The following ZNF157 variants were observed in gnomAD, a reference collection of about 807,000 sequenced individuals.
ZNF157 encodes the protein zinc finger protein 22.
A neutral mutation model predicts 9.4 loss-of-function variants in ZNF157; 8 were observed. The observed-to-expected ratio is 0.85, with a 90% CI of 0.50 to 1.53. The LOEUF (loss-of-function observed/expected upper bound fraction) is 1.53, where lower values mean the gene tolerates loss of function less well. Ranked by LOEUF, ZNF157 falls within the 40% of genes most tolerant of loss-of-function variation. The pLI is 0.00. For synonymous variants in ZNF157, 120 were observed against 130.8 expected (o/e 0.92, Z 0.56); for missense variants, 316 against 385.2 (o/e 0.82, Z 1.50).
At chrX:47,380,892 G>T (rs763508547) in intron 1 of ZNF157, among the ~76,000 whole-genome samples, 50 of 102,840 alleles carry the variant, frequency 4.9e-4, no homozygotes, top group Non-Finnish European at 7.9e-4. Context: ...AGCAGGAGGA[G>T]GAGAAAGAGA....
intron 1 of ZNF157, among the ~76,000 whole-genome samples, chrX:47,409,023 A>G (rs751181441): frequency 8.9e-6 from 1 of 111,919 alleles, no homozygotes; most frequent in Admixed American, 9.5e-5. Flanking sequence ...CTTCTCTCAA[A>G]CTGTGCTCCT....
intron 1 of ZNF157, among the ~76,000 whole-genome samples, chrX:47,393,069 C>T (rs768613507): frequency 9.1e-6 from 1 of 109,913 alleles, no homozygotes; most frequent in Non-Finnish European, 1.9e-5. Flanking sequence ...GCAGGAGAAT[C>T]TCTTGAACCT....
At chrX:47,391,402 G>A (rs759332436) in intron 1 of ZNF157, 1 of 111,790 alleles carries the variant, frequency 8.9e-6, no homozygotes, top group African/African-American at 3.2e-5. Context: ...TCTTATTTTG[G>A]AACGTTTGAG....
intron 1 of ZNF157, among the ~76,000 whole-genome samples, chrX:47,376,578 T>C (rs1301323535): frequency 2.7e-5 from 3 of 111,275 alleles, no homozygotes; most frequent in Non-Finnish European, 5.7e-5. Context: ...ATCGCGTCAT[T>C]GTACTCCAGC....
intron 1 of ZNF157, among the ~76,000 whole-genome samples, chrX:47,393,930 C>CG (rs1385495830): frequency 6.5e-5 from 7 of 108,120 alleles, no homozygotes; most frequent in Admixed American, 3.0e-4. Context: ...TTTGTAGAGA[C>CG]GGGGTCTCAC....
intron 1 of ZNF157, among the ~76,000 whole-genome samples, chrX:47,374,988 G>A (rs1157208567): frequency 9.1e-5 from 8 of 87,637 alleles, no homozygotes; most frequent in African/African-American, 2.9e-4. Context: ...CCCTGAGCCC[G>A]GCTGACAATC....
Position 47,407,307 on chromosome X carries a change from T to A in ZNF157, c.73-2969T>A, listed in dbSNP as rs140756050. Among the ~76,000 whole-genome samples, 374 of 112,454 alleles carry A rather than the reference T, an allele frequency of 3.3e-3. 1 individual carries two copies. Among genetic ancestry groups the A allele is most frequent in the African/African-American group, 0.012 (361 of 31,055 alleles). ...GATATTGGACTGCAATTTTCTTTTC[T>A]TGTCATGTCTTTGTCTGATTTTGTA... is the stretch of plus-strand genomic sequence containing the variant. On this transcript the variant is annotated intron_variant, in intron 1 of 3. Transcript: ENST00000377073.
chrX:47,374,998 CTTTTTTTTTTTTTTTTT>C (rs769541152), intron 1 of ZNF157, among the ~76,000 whole-genome samples: 10 of 24,996 alleles, frequency 4.0e-4, no homozygotes, highest in East Asian at 1.8e-3. Context: ...GGCTGACAAT[CTTTTTTTTTTTTTTTTT>C]TTTTTTTTTT....
intron 1 of ZNF157, among the ~76,000 whole-genome samples, chrX:47,373,921 C>T (rs752512310): frequency 6.4e-5 from 7 of 108,591 alleles, no homozygotes; most frequent in African/African-American, 2.4e-4. Context: ...GTCTTGAACT[C>T]CTGGCCTCAA....
intron 1 of ZNF157, 62 bp from the exon 2 acceptor site, chrX:47,410,214 G>T: frequency 2.5e-6 from 3 of 1,200,740 alleles, no homozygotes; most frequent in Non-Finnish European, 3.4e-6. Context: ...CCATTGAGAA[G>T]ATTAGTTCCT....
rs776600548 is a variant in ZNF157, at chrX:47,413,115, C to A, written c.1042C>A (p.His348Asn). ...FFRMKMTLNN[H>N]QRTHTGEKPY... ...CCGAATGAAGATGACTCTCAATAAT[C>A]ATCAAAGAACTCACACAGGTGAAAA... The change falls in exon 4 of 4, where the codon CAT (histidine) becomes AAT (asparagine). Residue 348 changes from histidine (H) to asparagine (N), a missense_variant. By Grantham distance (68) the His-to-Asn change is moderately conservative. This residue lies in a region of ZNF157 where 167 missense variants were observed against 183.6 expected (regional missense o/e 0.91). Transcript: ENST00000377073. The A allele has an allele frequency of 5.8e-6, 7 of 1,211,268 alleles. No individual in the cohort carries two copies. Among genetic ancestry groups the A allele is most frequent in the Non-Finnish European group, 7.8e-6 (7 of 895,169 alleles).
intron 1 of ZNF157, among the ~76,000 whole-genome samples, chrX:47,373,438 A>G (rs1332283137): frequency 9.0e-6 from 1 of 111,188 alleles, no homozygotes; most frequent in Non-Finnish European, 1.9e-5. Flanking sequence ...GAGATTTTAT[A>G]GGATGGTTCT....
In ZNF157 at chrX:47,412,736, T is replaced by C. The variant is rs1416684633; in HGVS notation, c.663T>C (p.Asn221=). The part of the protein sequence containing the change: ...THTGERPFEC[N]ECGKSFGRKS... Reference sequence around the variant, plus strand: ...CAGGGGAGAGGCCCTTTGAATGTAATGAATGTGGGAAATCTTTTGGCAGGA... The same window carrying C: ...CAGGGGAGAGGCCCTTTGAATGTAACGAATGTGGGAAATCTTTTGGCAGGA... The change falls in exon 4 of 4, where the codon AAT becomes AAC. Residue 221 remains asparagine (N), a synonymous_variant. Transcript: ENST00000377073. The C allele has an allele frequency of 2.5e-6, 3 of 1,209,937 alleles. No homozygotes were observed. The African/African-American group carries it at 5.2e-5, about 21-fold the overall frequency.
rs780045725 is a variant in ZNF157, at chrX:47,372,388, G to A, written c.72+1648G>A. 9.9e-5 allele frequency among the ~76,000 whole-genome samples: 11 copies of A among 110,680 alleles called. No homozygotes were observed. The East Asian group carries it at 3.1e-3, about 31-fold the overall frequency. On this transcript the variant is annotated intron_variant, in intron 1 of 3. Transcript: ENST00000377073. ...AGCTTCTGGGTAGCCGAACACATGG[G>A]GGTTCCTGGAGGGTGGTGCACCCAG...
intron 1 of ZNF157, among the ~76,000 whole-genome samples, chrX:47,382,936 AG>A (rs1437933266): frequency 1.8e-5 from 2 of 110,882 alleles, no homozygotes. Context: ...TAGACCCAAA[AG>A]CCTCATTGAA....
intron 3 of ZNF157, among the ~76,000 whole-genome samples, 162 bp from the exon 4 acceptor site, chrX:47,412,207 C>A (rs1422754575): frequency 3.6e-5 from 4 of 112,331 alleles, no homozygotes; most frequent in South Asian, 3.7e-4. Flanking sequence ...GATCCGCCTG[C>A]CTTGGCCTCC....
At chrX:47,394,946 G>A (rs964752881) in intron 1 of ZNF157, among the ~76,000 whole-genome samples, 3 of 111,374 alleles carry the variant, frequency 2.7e-5, no homozygotes, top group Admixed American at 1.9e-4. Flanking sequence ...AGCCTCCCAC[G>A]TAGCTGGGTC....
At chrX:47,373,442 T>C (rs1028420422) in intron 1 of ZNF157, among the ~76,000 whole-genome samples, 1 of 110,852 alleles carries the variant, frequency 9.0e-6, no homozygotes, top group Non-Finnish European at 1.9e-5. Context: ...TTTTATAGGA[T>C]GGTTCTTGGG....
chrX:47,396,487 C>T (rs183372777), intron 1 of ZNF157, among the ~76,000 whole-genome samples: 239 of 110,232 alleles, frequency 2.2e-3, no homozygotes, highest in African/African-American at 7.2e-3. Flanking sequence ...TGCAGTGAGC[C>T]GAGATCGCGC....
Sources: gnomAD v4.1 joint callset for allele counts (sites outside exome capture counted in the v4.1 genomes callset) on GRCh38, gnomAD v4.1.1 for gene constraint, gnomAD v4.1.1 regional missense constraint, MANE v1.5 for transcripts, NCBI Gene and HGNC (gene_info 2026-07-23, HGNC 2026-07-21) for gene names.